The following MOB3B variants were observed in gnomAD, a reference collection of about 807,000 sequenced individuals.
The protein encoded by MOB3B is MOB kinase activator-like 2B.
In MOB3B, 7 loss-of-function variants were observed where a neutral mutation model predicts 18.7. The observed-to-expected ratio is 0.37, with a 90% CI of 0.21 to 0.70. MOB3B has a LOEUF of 0.70. Ranked by LOEUF, MOB3B falls within the 30% of genes least tolerant of loss-of-function variation. The pLI is 0.52. For missense variants in MOB3B, 253 were observed against 281.3 expected (o/e 0.90, Z 0.72); for synonymous variants, 111 against 99.9 (o/e 1.11, Z -0.66).
chr9:27,511,424 T>C (rs954108059), intron 1 of MOB3B, among the ~76,000 whole-genome samples: 2 of 152,124 alleles, frequency 1.3e-5, no homozygotes, highest in South Asian at 2.1e-4. Flanking sequence ...AGTGAAATAA[T>C]GTATTCACCG....
intron 1 of MOB3B, among the ~76,000 whole-genome samples, chr9:27,494,764 T>C (rs548551256): frequency 6.3e-4 from 96 of 152,164 alleles, no homozygotes; most frequent in African/African-American, 2.2e-3. Context: ...CTACCCACCT[T>C]GGCCTCCCTA....
intron 2 of MOB3B, among the ~76,000 whole-genome samples, chr9:27,404,773 T>C (rs1309191704): frequency 6.6e-6 from 1 of 152,204 alleles, no homozygotes; most frequent in Non-Finnish European, 1.5e-5. Flanking sequence ...CTTTTGGATA[T>C]ATACTCAGCA....
intron 2 of MOB3B, among the ~76,000 whole-genome samples, chr9:27,365,715 A>G (rs1249790036): frequency 6.6e-6 from 1 of 152,200 alleles, no homozygotes; most frequent in Non-Finnish European, 1.5e-5. Context: ...TCAGACTCCA[A>G]GAAGTTGGCC....
chr9:27,417,477 C>A lies in MOB3B; in HGVS notation c.418+37656G>T, dbSNP rs78442879. On this transcript the variant is annotated intron_variant, in intron 2 of 3. Transcript: ENST00000262244. ...GAGACACCCTGTGCTTTAAATGGAA[C>A]AATAAAGTTTCCTTTGAGTGATCTT... is the stretch of plus-strand genomic sequence containing the variant. Among the ~76,000 whole-genome samples, 766 of 152,298 alleles carry A rather than the reference C, an allele frequency of 5.0e-3. 6 individuals carry two copies. Among genetic ancestry groups the A allele is most frequent in the Admixed American group, 8.6e-3 (131 of 15,288 alleles).
chr9:27,403,598 T>C (rs944771501), intron 2 of MOB3B, among the ~76,000 whole-genome samples: 1 of 135,306 alleles, frequency 7.4e-6, no homozygotes, highest in Non-Finnish European at 1.5e-5. Flanking sequence ...AATGGTGCAA[T>C]CTCAGCTCAC....
At chr9:27,522,026 AG>A in intron 1 of MOB3B, among the ~76,000 whole-genome samples, 1 of 152,078 alleles carries the variant, frequency 6.6e-6, no homozygotes, top group South Asian at 2.1e-4. Flanking sequence ...TCGGATCATG[AG>A]GTCAGGAGAT....
At chr9:27,391,518 T>C (rs1391723201) in intron 2 of MOB3B, among the ~76,000 whole-genome samples, 1 of 152,242 alleles carries the variant, frequency 6.6e-6, no homozygotes, top group Admixed American at 6.5e-5. Context: ...AATGTGATGC[T>C]GAAAACGTTT....
At chr9:27,449,764 T>C (rs1167137983) in intron 2 of MOB3B, among the ~76,000 whole-genome samples, 1 of 152,058 alleles carries the variant, frequency 6.6e-6, no homozygotes, top group Non-Finnish European at 1.5e-5. Context: ...TCACCTGAGA[T>C]CAGGAGTTCG....
intron 1 of MOB3B, among the ~76,000 whole-genome samples, chr9:27,457,674 C>T (rs1819201596): frequency 6.6e-6 from 1 of 150,922 alleles, no homozygotes; most frequent in African/African-American, 2.4e-5. Flanking sequence ...CACTGAAATG[C>T]CATATCCGCA....
chr9:27,522,485 A>G (rs1024731404), intron 1 of MOB3B, among the ~76,000 whole-genome samples: 7 of 150,710 alleles, frequency 4.6e-5, no homozygotes, highest in African/African-American at 1.5e-4. Context: ...ATCAGCCTCT[A>G]TATGCAAATA....
At chr9:27,429,530 A>C (rs1380126160) in intron 2 of MOB3B, among the ~76,000 whole-genome samples, 1 of 152,190 alleles carries the variant, frequency 6.6e-6, no homozygotes, top group Non-Finnish European at 1.5e-5. Flanking sequence ...TAAAACAATT[A>C]AACAGAGGAA....
In MOB3B at chr9:27,463,164, G is replaced by T. The variant is rs184553895; in HGVS notation, c.-198-7416C>A. On this transcript the variant is annotated intron_variant, in intron 1 of 3. Transcript: ENST00000262244. ...TTACTAGAGAGTCAGATTCTTGAGA[G>T]ACCAGTCACCTAGAATCTATCTTAG... 4.3e-3 allele frequency among the ~76,000 whole-genome samples: 650 copies of T among 152,296 alleles called. 3 individuals carry two copies. Among genetic ancestry groups the T allele is most frequent in the Middle Eastern group, 0.014 (4 of 294 alleles).
rs141585740 is a variant in MOB3B at position 27,492,919 on chromosome 9, G to C, written c.-199+36636C>G. ...GACATATCCCTTAACTTCTATGAAC[G>C]TCTGATTTCTAGGGTGCAAAATGGG... On this transcript the variant is annotated intron_variant, in intron 1 of 3. Transcript: ENST00000262244. Among the ~76,000 whole-genome samples, 1,144 of 152,178 alleles carry C rather than the reference G, an allele frequency of 7.5e-3. 14 individuals are homozygous for C. The highest frequency in any genetic ancestry group is 0.026 in the African/African-American group (1,062 of 41,510).
chr9:27,503,576 G>A (rs1026039943), intron 1 of MOB3B, among the ~76,000 whole-genome samples: 18 of 152,302 alleles, frequency 1.2e-4, no homozygotes, highest in Middle Eastern at 3.4e-3. Context: ...TGCATACTCT[G>A]CCCCAGATTC....
intron 2 of MOB3B, among the ~76,000 whole-genome samples, chr9:27,379,538 T>C (rs575819151): frequency 9.9e-5 from 15 of 152,176 alleles, no homozygotes; most frequent in Admixed American, 7.2e-4. Context: ...GAAGATGAAG[T>C]TTCCTGCCCA....
chr9:27,507,620 TG>T (rs1213903250), intron 1 of MOB3B, among the ~76,000 whole-genome samples: 2 of 152,214 alleles, frequency 1.3e-5, no homozygotes, highest in African/African-American at 4.8e-5. Context: ...TGCAATACTT[TG>T]TCCCTTGATG....
At chr9:27,397,947 A>G (rs766601197) in intron 2 of MOB3B, among the ~76,000 whole-genome samples, 1 of 152,216 alleles carries the variant, frequency 6.6e-6, no homozygotes, top group Non-Finnish European at 1.5e-5. Flanking sequence ...AGACATGGCC[A>G]GATGTCTCCA....
intron 3 of MOB3B, among the ~76,000 whole-genome samples, chr9:27,331,290 T>A (rs1820786227): frequency 6.6e-6 from 1 of 152,162 alleles, no homozygotes; most frequent in South Asian, 2.1e-4. Flanking sequence ...TGCTACCACA[T>A]CCTGCGCCTG....
rs1054674791 is a variant in MOB3B, at chr9:27,403,661, A to T, written c.419-44425T>A. Among the ~76,000 whole-genome samples the T allele has an allele frequency of 9.9e-5, 15 of 151,060 alleles. No homozygotes were observed. The Admixed American group carries it at 1.0e-3, about 10-fold the overall frequency. On this transcript the variant is annotated intron_variant, in intron 2 of 3. Transcript: ENST00000262244. ...GAACCCAGTTAATTTTTGTATGTTT[A>T]GAAGAGACAGGGTTTCACCATGCTG...
Sources: allele counts gnomAD v4.1 joint callset (sites outside exome capture counted in the v4.1 genomes callset), GRCh38; gene constraint gnomAD v4.1.1; transcripts MANE v1.5; gene names NCBI Gene and HGNC (gene_info 2026-07-23, HGNC 2026-07-21).